The following AHCYL2 variants were observed in gnomAD, a reference collection of about 807,000 sequenced individuals.
AHCYL2 encodes the protein S-adenosylhomocysteine hydrolase-like protein 2.
Under a neutral mutation model 81.4 loss-of-function variants are expected in AHCYL2, and 28 were observed. That is an observed-to-expected ratio of 0.34 (90% CI 0.25 to 0.47). AHCYL2 has a LOEUF of 0.47. AHCYL2 is among the 20% of genes least tolerant of loss of function. The probability of loss-of-function intolerance (pLI) is 1.00; values close to 1 mark genes in which losing one functional copy is unlikely to be tolerated. For synonymous variants in AHCYL2, 272 were observed against 290.2 expected (o/e 0.94, Z 0.64); for missense variants, 551 against 785.1 (o/e 0.70, Z 3.56).
chr7:129,332,100 A>T (rs183544895), intron 1 of AHCYL2, among the ~76,000 whole-genome samples: 111 of 152,164 alleles, frequency 7.3e-4, no homozygotes, highest in African/African-American at 2.5e-3. Context: ...ATACTTACAT[A>T]AAAAAAGTTA....
rs114689146 is a variant in AHCYL2, at chr7:129,323,421, C to G, written c.364-56217C>G. Among the ~76,000 whole-genome samples the G allele has an allele frequency of 7.6e-3, 1,155 of 152,106 alleles. 15 individuals are homozygous for G. Among genetic ancestry groups the G allele is most frequent in the African/African-American group, 0.026 (1,077 of 41,490 alleles). ...AATTTCATTGTGTTCAGAGAACATACTTTGTATGACTTGAATTCTTTTAAA... is the reference window on the plus strand; with the variant it reads ...AATTTCATTGTGTTCAGAGAACATAGTTTGTATGACTTGAATTCTTTTAAA... On this transcript the variant is annotated intron_variant, in intron 1 of 16. Coordinates refer to ENST00000325006, the MANE Select transcript of AHCYL2 (RefSeq NM_015328.4).
At chr7:129,265,855 G>C (rs895401545) in intron 1 of AHCYL2, among the ~76,000 whole-genome samples, 1 of 152,204 alleles carries the variant, frequency 6.6e-6, no homozygotes, top group African/African-American at 2.4e-5. Flanking sequence ...GAGAAGAGAC[G>C]ATAGTAGTTT....
chr7:129,416,942 A>T (rs981562025), intron 12 of AHCYL2, among the ~76,000 whole-genome samples: 5 of 152,086 alleles, frequency 3.3e-5, no homozygotes. Context: ...ACATAGTGAG[A>T]CCTCATCTCT....
chr7:129,269,007 T>C (rs1307673776), intron 1 of AHCYL2, among the ~76,000 whole-genome samples: 1 of 152,226 alleles, frequency 6.6e-6, no homozygotes, highest in Non-Finnish European at 1.5e-5. Context: ...TTTCTGTCTC[T>C]GGACGTTTCA....
At chr7:129,239,763 C>G (rs1295822696) in intron 1 of AHCYL2, among the ~76,000 whole-genome samples, 2 of 151,764 alleles carry the variant, frequency 1.3e-5, no homozygotes, top group African/African-American at 2.4e-5. Flanking sequence ...TAAACAGGCA[C>G]AGATATATAG....
chr7:129,305,374 C>T (rs963805795), intron 1 of AHCYL2, among the ~76,000 whole-genome samples: 12 of 152,192 alleles, frequency 7.9e-5, no homozygotes, highest in East Asian at 5.8e-4. Flanking sequence ...GCAGCAGAAT[C>T]GCTTGAATCC....
At chr7:129,317,714 A>C (rs2150783559) in intron 1 of AHCYL2, among the ~76,000 whole-genome samples, 1 of 152,300 alleles carries the variant, frequency 6.6e-6, no homozygotes, top group Admixed American at 6.5e-5. Flanking sequence ...TGGTCCATAC[A>C]ATAGGTTCTC....
chr7:129,336,071 C>CTTTTTTT (rs11373631), intron 1 of AHCYL2, among the ~76,000 whole-genome samples: 1 of 118,460 alleles, frequency 8.4e-6, no homozygotes. Context: ...CTTTTCTTTC[C>CTTTTTTT]TTTTTTTTTT....
intron 1 of AHCYL2, among the ~76,000 whole-genome samples, chr7:129,324,347 A>G (rs865935967): frequency 6.6e-6 from 1 of 152,052 alleles, no homozygotes; most frequent in Non-Finnish European, 1.5e-5. Flanking sequence ...GGATGTTTAG[A>G]CCATTTACAT....
At chr7:129,375,820 C>A (rs566379121) in intron 1 of AHCYL2, 1 of 1,534,514 alleles carries the variant, frequency 6.5e-7, no homozygotes, top group South Asian at 1.2e-5. Flanking sequence ...AAGGCCTGAT[C>A]ACAAGGGTCC....
At chr7:129,252,158 C>CTTA (rs987423428) in intron 1 of AHCYL2, among the ~76,000 whole-genome samples, 5 of 152,158 alleles carry the variant, frequency 3.3e-5, no homozygotes, top group African/African-American at 1.2e-4. Context: ...ATGAACATAA[C>CTTA]CCCTGATGCC....
chr7:129,352,294 A>G (rs566954311), intron 1 of AHCYL2, among the ~76,000 whole-genome samples: 2 of 152,222 alleles, frequency 1.3e-5, no homozygotes, highest in African/African-American at 4.8e-5. Flanking sequence ...TTTGTTGTCA[A>G]TGATAAAATT....
intron 1 of AHCYL2, among the ~76,000 whole-genome samples, chr7:129,371,445 A>T (rs911792922): frequency 2.0e-5 from 3 of 152,190 alleles, no homozygotes; most frequent in Non-Finnish European, 4.4e-5. Context: ...AAGAACCCCA[A>T]TCTCAAGAAC....
chr7:129,361,632 G>A (rs1241491009), intron 1 of AHCYL2, among the ~76,000 whole-genome samples: 2 of 152,104 alleles, frequency 1.3e-5, no homozygotes, highest in African/African-American at 2.4e-5. Flanking sequence ...TTATGTATGT[G>A]TGTGTGTTTA....
At chr7:129,395,213 C>G (rs1321245394) in intron 4 of AHCYL2, among the ~76,000 whole-genome samples, 2 of 152,252 alleles carry the variant, frequency 1.3e-5, no homozygotes, top group East Asian at 3.8e-4. Context: ...CAGCCTTCAG[C>G]TACTTCTGCA....
intron 1 of AHCYL2, among the ~76,000 whole-genome samples, chr7:129,235,280 C>T (rs77153017): frequency 3.3e-3 from 502 of 150,542 alleles, no homozygotes; most frequent in African/African-American, 0.012. Flanking sequence ...TGAGGCAGAT[C>T]TCACTGTGTT....
intron 1 of AHCYL2, among the ~76,000 whole-genome samples, chr7:129,227,075 A>T (rs1389215517): frequency 6.6e-6 from 1 of 152,214 alleles, no homozygotes; most frequent in Non-Finnish European, 1.5e-5. Context: ...TACCCCCATT[A>T]CTACCTTTTG....
At chr7:129,308,496 C>T (rs1245506819) in intron 1 of AHCYL2, among the ~76,000 whole-genome samples, 1 of 152,154 alleles carries the variant, frequency 6.6e-6, no homozygotes, top group Non-Finnish European at 1.5e-5. Context: ...TTTTTCAGTA[C>T]CTCTTTCAGT....
rs1304317613 is a variant in AHCYL2 at position 129,372,246 on chromosome 7, A to G, written c.364-7392A>G. Among the ~76,000 whole-genome samples the G allele has an allele frequency of 2.0e-5, 3 of 152,222 alleles. No homozygotes were observed. The South Asian group carries it at 6.2e-4, about 32-fold the overall frequency. ...TCTCAGCATACATTTTAAATAGGCAAAGTAGATATGATTATCCCTATTTTA... is the reference window on the plus strand; with the variant it reads ...TCTCAGCATACATTTTAAATAGGCAGAGTAGATATGATTATCCCTATTTTA... On this transcript the variant is annotated intron_variant, in intron 1 of 16. Transcript: ENST00000325006.
Sources: allele counts gnomAD v4.1 joint callset (sites outside exome capture counted in the v4.1 genomes callset), GRCh38; gene constraint gnomAD v4.1.1; transcripts MANE v1.5; gene names NCBI Gene and HGNC (gene_info 2026-07-23, HGNC 2026-07-21).